Variants in KCNIP4 observed in about 807,000 individuals in gnomAD.
KCNIP4 encodes potassium voltage-gated channel interacting protein 4.
In KCNIP4, 12 loss-of-function variants were observed where a neutral mutation model predicts 34.0. The ratio of observed to expected loss-of-function variants is 0.35; its 90% CI spans 0.23 to 0.57. The LOEUF (loss-of-function observed/expected upper bound fraction) is 0.57. Among genes scored for constraint, KCNIP4 ranks in the 20% least tolerant of loss-of-function variants. The pLI, the probability that KCNIP4 is intolerant of heterozygous loss-of-function variation, is 0.83. For synonymous variants in KCNIP4, 124 were observed against 102.2 expected, an observed-to-expected ratio of 1.21 and a Z score of -1.29; for missense variants, 238 against 311.7, an observed-to-expected ratio of 0.76 and a Z score of 1.78.
At chr4:20,746,675 T>G (rs544989238) in intron 5 of KCNIP4, among the ~76,000 whole-genome samples, 1 of 152,316 alleles carries the variant, frequency 6.6e-6, no homozygotes, top group Non-Finnish European at 1.5e-5. Context: ...ATTGCTGATG[T>G]TTTAGCAGTA....
intron 1 of KCNIP4, among the ~76,000 whole-genome samples, chr4:21,725,025 C>T (rs1715091017): frequency 6.6e-6 from 1 of 152,064 alleles, no homozygotes; most frequent in Admixed American, 6.6e-5. Flanking sequence ...TGTGAGATGT[C>T]AAAATATTCC....
intron 1 of KCNIP4, among the ~76,000 whole-genome samples, chr4:20,884,273 T>C (rs1331515895): frequency 2.6e-5 from 4 of 152,190 alleles, no homozygotes; most frequent in Non-Finnish European, 5.9e-5. Context: ...GTTTGTTACA[T>C]AGGTATACAT....
chr4:21,355,796 A>G (rs1718524672), intron 1 of KCNIP4, among the ~76,000 whole-genome samples: 1 of 152,204 alleles, frequency 6.6e-6, no homozygotes, highest in African/African-American at 2.4e-5. Context: ...TCCCTAACTC[A>G]TTTTAGGAGG....
At chr4:21,892,232 T>C (rs1461668906) in intron 1 of KCNIP4, among the ~76,000 whole-genome samples, 2 of 151,846 alleles carry the variant, frequency 1.3e-5, no homozygotes, top group African/African-American at 2.4e-5. Flanking sequence ...TAAAACAACA[T>C]GGATGAATCT....
chr4:21,182,604 T>C (rs1284188831), intron 1 of KCNIP4, among the ~76,000 whole-genome samples: 1 of 151,996 alleles, frequency 6.6e-6, no homozygotes, highest in Non-Finnish European at 1.5e-5. Context: ...TTTTCTCATC[T>C]CCCAACCCCC....
chr4:21,691,823 T>A (rs890824455), intron 1 of KCNIP4, among the ~76,000 whole-genome samples: 1 of 150,362 alleles, frequency 6.7e-6, no homozygotes, highest in African/African-American at 2.4e-5. Flanking sequence ...TTCAGCCTCC[T>A]GAGTAGCTGG....
chr4:21,330,652 A>G (rs10022849), intron 1 of KCNIP4, among the ~76,000 whole-genome samples: 152,048 of 152,240 alleles, frequency 1, 75,929 homozygotes, highest in Middle Eastern at 1. Flanking sequence ...AGCATTCCGC[A>G]TGAATGGTTT....
intron 1 of KCNIP4, among the ~76,000 whole-genome samples, chr4:21,009,990 C>G (rs1484153394): frequency 6.6e-6 from 1 of 152,202 alleles, no homozygotes; most frequent in Non-Finnish European, 1.5e-5. Context: ...ATTGGCAAGT[C>G]CACAATGAAG....
intron 1 of KCNIP4, among the ~76,000 whole-genome samples, chr4:21,604,910 T>A (rs971902987): frequency 6.6e-6 from 1 of 152,124 alleles, no homozygotes; most frequent in Admixed American, 6.5e-5. Flanking sequence ...GAGGTCAGAT[T>A]ACTTCGCTTT....
chr4:21,808,000 A>G (rs529671318), intron 1 of KCNIP4, among the ~76,000 whole-genome samples: 46 of 152,326 alleles, frequency 3.0e-4, no homozygotes, highest in Non-Finnish European at 5.7e-4. Flanking sequence ...GGTAAGTTAA[A>G]TAAATAAATA....
intron 1 of KCNIP4, among the ~76,000 whole-genome samples, chr4:21,771,072 T>C (rs1208763892): frequency 1.3e-5 from 2 of 152,206 alleles, no homozygotes; most frequent in African/African-American, 4.8e-5. Flanking sequence ...CTTATGGTTT[T>C]TGGTTTTAGA....
intron 1 of KCNIP4, among the ~76,000 whole-genome samples, chr4:21,443,990 T>C (rs1175872210): frequency 6.6e-6 from 1 of 152,012 alleles, no homozygotes; most frequent in East Asian, 1.9e-4. Context: ...GAGAATACTA[T>C]AAACACCTCT....
intron 1 of KCNIP4, among the ~76,000 whole-genome samples, chr4:21,339,433 TA>T (rs2109343338): frequency 6.6e-6 from 1 of 152,316 alleles, no homozygotes; most frequent in East Asian, 1.9e-4. Context: ...CTCGTCAACA[TA>T]ATATGCAAAT....
intron 1 of KCNIP4, among the ~76,000 whole-genome samples, chr4:21,612,976 T>G (rs1041636340): frequency 1.3e-5 from 2 of 152,130 alleles, no homozygotes; most frequent in Admixed American, 6.6e-5. Flanking sequence ...AATGCATAAG[T>G]AGGCCGTTCA....
At chr4:21,802,159 A>C (rs1410237304) in intron 1 of KCNIP4, among the ~76,000 whole-genome samples, 1 of 152,060 alleles carries the variant, frequency 6.6e-6, no homozygotes, top group African/African-American at 2.4e-5. Context: ...AAACCACAGT[A>C]TTTGACCACT....
At chr4:21,256,053 TA>T (rs58937610) in intron 1 of KCNIP4, among the ~76,000 whole-genome samples, 137 of 147,408 alleles carry the variant, frequency 9.3e-4, no homozygotes, top group Middle Eastern at 3.5e-3. Flanking sequence ...GCTAGCAAGG[TA>T]AAAAAAAAAA....
intron 1 of KCNIP4, among the ~76,000 whole-genome samples, chr4:21,822,257 T>C (rs1379001230): frequency 1.3e-5 from 2 of 152,212 alleles, no homozygotes; most frequent in Non-Finnish European, 2.9e-5. Flanking sequence ...ACTGGGAATC[T>C]GTTATGAGAT....
intron 1 of KCNIP4, among the ~76,000 whole-genome samples, chr4:21,259,806 A>G (rs767430465): frequency 2.1e-4 from 32 of 151,854 alleles, no homozygotes; most frequent in Admixed American, 3.3e-4. Flanking sequence ...GGTTCTTTCC[A>G]ACAAAAGAAA....
At chr4:21,746,633 A>G (rs1716797546) in intron 1 of KCNIP4, among the ~76,000 whole-genome samples, 1 of 152,066 alleles carries the variant, frequency 6.6e-6, no homozygotes. Flanking sequence ...ATTAACTTCT[A>G]GGAAGATATC....
Sources: allele counts gnomAD v4.1 joint callset (sites outside exome capture counted in the v4.1 genomes callset), GRCh38; gene constraint gnomAD v4.1.1; transcripts MANE v1.5; gene names NCBI Gene and HGNC (gene_info 2026-07-23, HGNC 2026-07-21).